The following LARGE1 variants were observed in gnomAD, a reference collection of about 807,000 sequenced individuals.
LARGE1 encodes the protein xylosyl- and glucuronyltransferase LARGE1.
A neutral mutation model predicts 87.6 loss-of-function variants in LARGE1; 43 were observed. That is an observed-to-expected ratio of 0.49 (90% CI 0.38 to 0.63). The LOEUF is 0.63. Among genes scored for constraint, LARGE1 ranks in the 30% least tolerant of loss-of-function variants. LARGE1 has a pLI of 0.00. For missense variants in LARGE1, 802 were observed against 1,000.2 expected (o/e 0.80, Z 2.67); for synonymous variants, 434 against 394.6 (o/e 1.10, Z -1.18).
chr22:33,679,215 T>A (rs138770100), intron 2 of LARGE1, among the ~76,000 whole-genome samples: 81 of 152,334 alleles, frequency 5.3e-4, no homozygotes, highest in African/African-American at 1.9e-3. Flanking sequence ...GAACAATGAA[T>A]GTATAAATCA....
the LARGE1 span, among the ~76,000 whole-genome samples, chr22:33,125,997 C>T: frequency 6.6e-6 from 1 of 152,228 alleles, no homozygotes; most frequent in Non-Finnish European, 1.5e-5. Flanking sequence ...ATCCACCCGA[C>T]TCAGCCTCTC....
At chr22:33,766,014 C>G (rs1221227866) in intron 1 of LARGE1, among the ~76,000 whole-genome samples, 4 of 152,130 alleles carry the variant, frequency 2.6e-5, no homozygotes. Flanking sequence ...TAAATGACAC[C>G]TCTGTGTACT....
intron 5 of LARGE1, chr22:33,572,255 T>C (rs1475875487): frequency 2.8e-5 from 35 of 1,261,604 alleles, no homozygotes; most frequent in East Asian, 5.6e-5. Flanking sequence ...GCCTTTCATG[T>C]TGTTTCTGAG....
chr22:33,403,207 C>T (rs377491951), intron 7 of LARGE1, among the ~76,000 whole-genome samples: 34 of 152,304 alleles, frequency 2.2e-4, no homozygotes, highest in African/African-American at 5.8e-4. Context: ...GCTTCCTGCA[C>T]GGTATGTGCC....
chr22:33,122,904 A>T, the LARGE1 span, among the ~76,000 whole-genome samples: 1 of 152,154 alleles, frequency 6.6e-6, no homozygotes. Context: ...AGGGGCTGAT[A>T]CGGGACCCTA....
the LARGE1 span, among the ~76,000 whole-genome samples, chr22:33,141,551 A>G: frequency 1.3e-5 from 2 of 151,968 alleles, no homozygotes; most frequent in Admixed American, 6.6e-5. Flanking sequence ...TCTATATTAT[A>G]CTTATATGTA....
chr22:33,104,973 CTTTCTT>C, the LARGE1 span, among the ~76,000 whole-genome samples: 2 of 143,216 alleles, frequency 1.4e-5, no homozygotes. Flanking sequence ...CTCTTTCTTT[CTTTCTT>C]TTTCTTTTCT....
At chr22:33,733,415 ATTAAT>A (rs1286323050) in intron 2 of LARGE1, 1 of 152,262 alleles carries the variant, frequency 6.6e-6, no homozygotes, top group Non-Finnish European at 1.5e-5. Context: ...AAATGACAAC[ATTAAT>A]TTAATGAACT....
At chr22:33,612,444 A>G (rs4239873) in intron 4 of LARGE1, among the ~76,000 whole-genome samples, 114,832 of 152,144 alleles carry the variant, frequency 0.75, 43,738 homozygotes, top group African/African-American at 0.86. Context: ...TCTAACAGGG[A>G]TAGGTGACAT....
chr22:33,865,529 G>A (rs1193721932), intron 1 of LARGE1, among the ~76,000 whole-genome samples: 1 of 152,190 alleles, frequency 6.6e-6, no homozygotes, highest in Non-Finnish European at 1.5e-5. Context: ...GAGGGTGGCA[G>A]GTAGCATTGT....
At chr22:33,513,155 A>G (rs1173902391) in intron 6 of LARGE1, among the ~76,000 whole-genome samples, 6 of 152,186 alleles carry the variant, frequency 3.9e-5, no homozygotes, top group Admixed American at 3.9e-4. Context: ...TGAGGAATGT[A>G]AAAGAAAGGC....
At chr22:33,507,463 A>G (rs1303544198) in intron 6 of LARGE1, among the ~76,000 whole-genome samples, 1 of 152,180 alleles carries the variant, frequency 6.6e-6, no homozygotes, top group African/African-American at 2.4e-5. Context: ...ACCCGCAAAC[A>G]TCATATGACT....
the LARGE1 span, among the ~76,000 whole-genome samples, chr22:33,148,938 G>C: frequency 1.9e-4 from 29 of 151,844 alleles, no homozygotes; most frequent in Non-Finnish European, 4.4e-5. Flanking sequence ...TAAATTTGGA[G>C]AGTGATTTAA....
chr22:33,613,289 CT>C (rs1036511131), intron 4 of LARGE1, among the ~76,000 whole-genome samples: 2 of 152,116 alleles, frequency 1.3e-5, no homozygotes, highest in African/African-American at 4.8e-5. Flanking sequence ...TGATAGTGGC[CT>C]TTTCCTTTTA....
At chr22:33,498,117 T>C (rs2070238167) in intron 6 of LARGE1, among the ~76,000 whole-genome samples, 1 of 152,134 alleles carries the variant, frequency 6.6e-6, no homozygotes, top group African/African-American at 2.4e-5. Context: ...GTTCCTGGCC[T>C]CAAGTGATCC....
chr22:33,831,544 G>C (rs1036284579), intron 1 of LARGE1, among the ~76,000 whole-genome samples: 2 of 152,124 alleles, frequency 1.3e-5, no homozygotes, highest in African/African-American at 4.8e-5. Context: ...AGGTCCCTAA[G>C]TGGCCCCTGG....
chr22:33,559,040 T>A (rs2077776962), intron 6 of LARGE1, among the ~76,000 whole-genome samples: 1 of 152,266 alleles, frequency 6.6e-6, no homozygotes, highest in South Asian at 2.1e-4. Flanking sequence ...TCTTATTCAG[T>A]TTGAGCTGCT....
In LARGE1 at chr22:33,445,761, T is replaced by C. The variant is rs1030654483; in HGVS notation, c.788-13496A>G. The stretch of plus-strand genomic sequence containing the variant: ...ACCTCCCGGATTCAAGCAATTCTCC[T>C]GTCTCAGCCTCCTGAGTAGCTGGGA... On this transcript the variant is annotated intron_variant, in intron 6 of 14. Coordinates refer to ENST00000397394, the MANE Select transcript of LARGE1 (RefSeq NM_133642.5). Among the ~76,000 whole-genome samples the C allele has an allele frequency of 1.3e-4, 19 of 151,820 alleles. 1 individual carries two copies.
chr22:33,195,370 C>T (rs1490169175), intron 11 of LARGE1, among the ~76,000 whole-genome samples: 1 of 152,038 alleles, frequency 6.6e-6, no homozygotes, highest in African/African-American at 2.4e-5. Flanking sequence ...CCAATAATTG[C>T]AGAATACATA....
Sources: gnomAD v4.1 joint callset for allele counts (sites outside exome capture counted in the v4.1 genomes callset) on GRCh38, gnomAD v4.1.1 for gene constraint, MANE v1.5 for transcripts, NCBI Gene and HGNC (gene_info 2026-07-23, HGNC 2026-07-21) for gene names.